COL4A2: variants seen among roughly 807,000 people sequenced by gnomAD.
The protein encoded by COL4A2 is collagen alpha-2(IV) chain.
A neutral mutation model predicts 200.2 loss-of-function variants in COL4A2; 99 were observed. That is an observed-to-expected ratio of 0.49 (90% CI 0.42 to 0.58). The LOEUF is 0.58. Ranked by LOEUF, COL4A2 falls within the 20% of genes least tolerant of loss-of-function variation. The pLI, the probability that COL4A2 is intolerant of heterozygous loss-of-function variation, is 0.00. For missense variants in COL4A2, 1,950 were observed against 2,314.1 expected (o/e 0.84, Z 3.23); for synonymous variants, 897 against 900.6 (o/e 1.00, Z 0.07).
chr13:110,355,517 T>TGCACTAGCTCACCTGTGTGTGG, intron 3 of COL4A2, among the ~76,000 whole-genome samples: 1 of 18,408 alleles, frequency 5.4e-5, no homozygotes, highest in African/African-American at 4.1e-4. Flanking sequence ...CCTGTGTGTG[T>TGCACTAGCTCACCTGTGTGTGG]GGGGGAGGGC....
At chr13:110,333,696 G>A (rs1014139526) in intron 3 of COL4A2, among the ~76,000 whole-genome samples, 2 of 152,204 alleles carry the variant, frequency 1.3e-5, no homozygotes, top group African/African-American at 4.8e-5. Context: ...TTTTCATATC[G>A]GGACACAGCC....
chr13:110,321,436 T>G (rs1885277135), intron 3 of COL4A2, among the ~76,000 whole-genome samples: 2 of 152,192 alleles, frequency 1.3e-5, no homozygotes, highest in South Asian at 2.1e-4. Context: ...CTCCAGAACT[T>G]GCTCATCATC....
rs1333372502 is a variant in COL4A2 at position 110,478,065 on chromosome 13, G to A, written c.2488G>A (p.Gly830Ser). ...KGQPGLPGPS[G>S]QPGLYGPPGL... Reference sequence around the variant, plus strand: ...CCAGCCAGGCCTCCCAGGACCTTCCGGCCAGCCAGGCCTGTATGGGCCTCC... The same window carrying A: ...CCAGCCAGGCCTCCCAGGACCTTCCAGCCAGCCAGGCCTGTATGGGCCTCC... Residue 830 changes from glycine (G) to serine (S), a missense_variant, in exon 30 of 48, where the codon GGC (glycine) becomes AGC (serine). Coordinates refer to ENST00000360467, the MANE Select transcript of COL4A2 (RefSeq NM_001846.4). 18 of 1,605,606 alleles carry A rather than the reference G, an allele frequency of 1.1e-5. No homozygotes were observed. Among genetic ancestry groups the A allele is most frequent in the Non-Finnish European group, 1.4e-5 (17 of 1,174,572 alleles).
At chr13:110,451,301 A>G (rs1217540908) in intron 20 of COL4A2, among the ~76,000 whole-genome samples, 1 of 152,248 alleles carries the variant, frequency 6.6e-6, no homozygotes. Flanking sequence ...CATGCGGCCC[A>G]GGACGGCTTC....
chr13:110,346,297 T>C (rs76023375), intron 3 of COL4A2, among the ~76,000 whole-genome samples: 9,880 of 152,266 alleles, frequency 0.065, 982 homozygotes, highest in African/African-American at 0.22. Context: ...GAGTAAGACC[T>C]GATTCAAAGG....
intron 47 of COL4A2, 144 bp from the exon 48 acceptor site, chr13:110,511,790 A>T (rs1218665148): frequency 1.5e-6 from 2 of 1,351,588 alleles, no homozygotes; most frequent in East Asian, 5.0e-5. Flanking sequence ...CTGAAGGCGC[A>T]TTCGCGAGGA....
intron 4 of COL4A2, among the ~76,000 whole-genome samples, chr13:110,361,811 G>T (rs1877524804): frequency 6.6e-6 from 1 of 152,194 alleles, no homozygotes; most frequent in South Asian, 2.1e-4. Context: ...CAAGGCAGGA[G>T]CTGTGTACCG....
At chr13:110,493,065 TGAG>T in intron 38 of COL4A2, 143 bp from the exon 39 acceptor site, 9 of 858,402 alleles carry the variant, frequency 1.0e-5, no homozygotes, top group South Asian at 1.4e-5. Flanking sequence ...GAAATAACGA[TGAG>T]TGACACCCCC....
At chr13:110,400,515 G>T (rs1879333997) in intron 4 of COL4A2, among the ~76,000 whole-genome samples, 1 of 145,582 alleles carries the variant, frequency 6.9e-6, no homozygotes, top group South Asian at 2.1e-4. Context: ...TTTAAAATAT[G>T]CTTCATTAAC....
intron 3 of COL4A2, among the ~76,000 whole-genome samples, chr13:110,323,739 C>T (rs1240028233): frequency 6.6e-6 from 1 of 152,242 alleles, no homozygotes; most frequent in Non-Finnish European, 1.5e-5. Context: ...CATGGGCACG[C>T]TGCCCCCAGC....
intron 3 of COL4A2, among the ~76,000 whole-genome samples, chr13:110,338,358 G>A (rs1377399976): frequency 6.6e-6 from 1 of 150,732 alleles, no homozygotes; most frequent in African/African-American, 2.4e-5. Flanking sequence ...AAGAGAGAGA[G>A]AGGAGAGAGG....
rs143930805 is a variant in COL4A2, at chr13:110,307,720, G to C, written c.-44-140G>C. ...GGGAGGCTCTCCTTCTTTCCGGGTC[G>C]TGGGGGGGACGGCCCTCCGGTCACC... On this transcript the variant is annotated intron_variant, in intron 1 of 47. Transcript: ENST00000360467. This position sits in a 1 kb window ranked among gnomAD's most constrained non-coding sequence, Gnocchi z 5.0. 2,037 of 767,334 alleles carry C rather than the reference G, an allele frequency of 2.7e-3. 33 individuals are homozygous for C. The African/African-American group carries it at 0.03, about 11-fold the overall frequency. 47.5% of individuals were successfully genotyped at this position (767,334 alleles called of 1,614,324 possible). A position where few individuals can be genotyped will look rare whatever the true frequency, so the allele number is the denominator to read the frequency against.
intron 4 of COL4A2, among the ~76,000 whole-genome samples, chr13:110,380,397 G>A (rs1878417705): frequency 1.3e-5 from 2 of 152,170 alleles, no homozygotes; most frequent in Non-Finnish European, 1.5e-5. Flanking sequence ...CTAATGCATA[G>A]TAACTATAAG....
intron 47 of COL4A2, 58 bp from the exon 48 acceptor site, chr13:110,511,875 AC>A: frequency 6.2e-7 from 1 of 1,610,544 alleles, no homozygotes; most frequent in South Asian, 1.1e-5. Context: ...CTATGCCCTG[AC>A]CCCGTGCCAC....
intron 4 of COL4A2, among the ~76,000 whole-genome samples, chr13:110,406,290 T>C (rs1378310427): frequency 6.6e-6 from 1 of 152,154 alleles, no homozygotes; most frequent in East Asian, 1.9e-4. Context: ...CCTTCATCGA[T>C]GCAGACTGGG....
At chr13:110,311,699 C>T (rs1884987431) in intron 3 of COL4A2, among the ~76,000 whole-genome samples, 1 of 152,212 alleles carries the variant, frequency 6.6e-6, no homozygotes, top group South Asian at 2.1e-4. Context: ...AAAGCACTCA[C>T]TGTAGCCGCT....
chr13:110,341,253 CG>C (rs1876441726), intron 3 of COL4A2, among the ~76,000 whole-genome samples: 1 of 152,192 alleles, frequency 6.6e-6, no homozygotes, highest in African/African-American at 2.4e-5. Context: ...AGACCAACAC[CG>C]CCCTGCACAA....
chr13:110,495,599 G>C (rs1883430622), intron 40 of COL4A2, 132 bp downstream of exon 40: 2 of 1,197,204 alleles, frequency 1.7e-6, no homozygotes, highest in Non-Finnish European at 2.3e-6. Context: ...TTTCTGGGGA[G>C]GACTACCTGT....
At chr13:110,370,228 G>GT (rs1161019328) in intron 4 of COL4A2, among the ~76,000 whole-genome samples, 153 of 151,218 alleles carry the variant, frequency 1.0e-3, no homozygotes, top group African/African-American at 3.4e-3. Context: ...AAAAACAAGG[G>GT]TTTTTTTTAC....
Sources: allele counts gnomAD v4.1 joint callset (sites outside exome capture counted in the v4.1 genomes callset), GRCh38; gene constraint gnomAD v4.1.1; non-coding constraint Gnocchi (gnomAD v3.1); transcripts MANE v1.5; gene names NCBI Gene and HGNC (gene_info 2026-07-23, HGNC 2026-07-21).